PSMD1: variants seen among roughly 807,000 people sequenced by gnomAD.
The protein encoded by PSMD1 is 26S proteasome non-ATPase regulatory subunit 1.
Under a neutral mutation model 119.0 loss-of-function variants are expected in PSMD1, and 18 were observed. The ratio of observed to expected loss-of-function variants is 0.15; its 90% CI spans 0.10 to 0.22. The LOEUF (loss-of-function observed/expected upper bound fraction) is 0.22, where lower values mean the gene tolerates loss of function less well. PSMD1 is among the 10% of genes least tolerant of loss of function. The pLI, the probability that PSMD1 is intolerant of heterozygous loss-of-function variation, is 1.00. For synonymous variants in PSMD1, 374 were observed against 396.6 expected, an observed-to-expected ratio of 0.94 and a Z score of 0.68; for missense variants, 702 against 1,158.5, an observed-to-expected ratio of 0.61 and a Z score of 5.72.
At chr2:231,162,904 T>A (rs1480765074) in intron 20 of PSMD1, among the ~76,000 whole-genome samples, 2 of 150,842 alleles carry the variant, frequency 1.3e-5, no homozygotes, top group Non-Finnish European at 2.9e-5. Flanking sequence ...GAGACCATCC[T>A]GGCTAACACA....
At chr2:231,082,373 C>T (rs1255187964) in intron 12 of PSMD1, among the ~76,000 whole-genome samples, 1 of 152,216 alleles carries the variant, frequency 6.6e-6, no homozygotes, top group East Asian at 1.9e-4. Context: ...CCTCAGCTCA[C>T]TATTTTTTGG....
intron 13 of PSMD1, 102 bp downstream of exon 13, chr2:231,083,096 G>T: frequency 1.1e-6 from 1 of 889,290 alleles, no homozygotes; most frequent in South Asian, 1.9e-5. Context: ...AAATTCCGAT[G>T]GATTTCTCTA....
chr2:231,098,503 C>T, intron 16 of PSMD1, among the ~76,000 whole-genome samples: 1 of 151,764 alleles, frequency 6.6e-6, no homozygotes, highest in South Asian at 2.1e-4. Context: ...CTGACTCCCT[C>T]TTTTTCTGTC....
At chr2:231,141,660 A>C in intron 17 of PSMD1, among the ~76,000 whole-genome samples, 1 of 150,592 alleles carries the variant, frequency 6.6e-6, no homozygotes, top group Non-Finnish European at 1.5e-5. Context: ...ACTTACCACC[A>C]CCTGATATAT....
intron 19 of PSMD1, among the ~76,000 whole-genome samples, chr2:231,160,451 A>G (rs1011914935): frequency 3.9e-5 from 6 of 152,206 alleles, no homozygotes; most frequent in African/African-American, 1.4e-4. Context: ...AATTCTAATA[A>G]TGTTTATGCT....
chr2:231,124,025 T>C (rs961568124), intron 16 of PSMD1: 177 of 441,890 alleles, frequency 4.0e-4, no homozygotes, highest in Non-Finnish European at 4.2e-4. Flanking sequence ...AAGAAACTGA[T>C]AGCTGTGAAA....
chr2:231,119,912 A>G (rs967651885), intron 16 of PSMD1, among the ~76,000 whole-genome samples: 1 of 143,150 alleles, frequency 7.0e-6, no homozygotes, highest in Non-Finnish European at 1.5e-5. Context: ...AACCAATAAC[A>G]CCCAATGGAT....
intron 16 of PSMD1, chr2:231,113,653 C>G: frequency 7.7e-7 from 1 of 1,307,080 alleles, no homozygotes; most frequent in Non-Finnish European, 1.1e-6. Context: ...TCATTGCCTA[C>G]CAGACCTGGT....
intron 18 of PSMD1, among the ~76,000 whole-genome samples, chr2:231,146,930 C>T (rs1696265602): frequency 6.6e-6 from 1 of 152,224 alleles, no homozygotes; most frequent in Admixed American, 6.5e-5. Flanking sequence ...TCCACAGAAA[C>T]ACTCTTGTAC....
chr2:231,150,765 CAT>C (rs1331032635), intron 18 of PSMD1, among the ~76,000 whole-genome samples: 2 of 152,052 alleles, frequency 1.3e-5, no homozygotes, highest in African/African-American at 2.4e-5. Flanking sequence ...GAATTACAGA[CAT>C]ATATTTGAAG....
At chr2:231,091,803 G>A (rs1290511413) in intron 16 of PSMD1, among the ~76,000 whole-genome samples, 1 of 152,046 alleles carries the variant, frequency 6.6e-6, no homozygotes, top group African/African-American at 2.4e-5. Context: ...AGGTTCCCCA[G>A]GGGTGTTGTT....
At chr2:231,078,562 C>G (rs573340631) in intron 9 of PSMD1, 97 bp from the exon 10 acceptor site, 1 of 756,104 alleles carries the variant, frequency 1.3e-6, no homozygotes, top group African/African-American at 1.8e-5. Context: ...TTTGTTCATG[C>G]TTTTACCACA....
At chr2:231,153,541 A>G in intron 18 of PSMD1, 23 bp from the exon 19 acceptor site, 1 of 1,506,908 alleles carries the variant, frequency 6.6e-7, no homozygotes. Flanking sequence ...CTTAGACTAT[A>G]ATTCTTTCTC....
At chr2:231,127,376 A>C (rs1032596397) in intron 16 of PSMD1, among the ~76,000 whole-genome samples, 1 of 151,838 alleles carries the variant, frequency 6.6e-6, no homozygotes, top group African/African-American at 2.4e-5. Flanking sequence ...GTTTTTTGAG[A>C]CAGAGCCTTC....
chr2:231,117,224 T>G (rs1695373041), intron 16 of PSMD1, among the ~76,000 whole-genome samples: 1 of 152,042 alleles, frequency 6.6e-6, no homozygotes, highest in Non-Finnish European at 1.5e-5. Flanking sequence ...TTTTAGGAGT[T>G]TTGGTTTTAA....
At chr2:231,085,843 G>A (rs1220867146) in intron 15 of PSMD1, among the ~76,000 whole-genome samples, 1 of 152,034 alleles carries the variant, frequency 6.6e-6, no homozygotes, top group Admixed American at 6.6e-5. Context: ...TTATCATCGT[G>A]GTGCTGGGAA....
At position 231,057,002 on chromosome 2, in the gene PSMD1, G is replaced by A; in HGVS notation, c.-24G>A. On this transcript the variant is annotated 5_prime_UTR_variant, in exon 1 of 25. Coordinates refer to ENST00000308696, the MANE Select transcript of PSMD1 (RefSeq NM_002807.4). ...GCGCAGCTGGAACGGCGAGCGAGCC[G>A]ACGGGCGAGTGAGGGGCGCAGCCAT... 6.5e-7 allele frequency: 1 copy of A among 1,540,186 alleles called. No homozygotes were observed. The highest frequency in any genetic ancestry group is 8.7e-7 in the Non-Finnish European group (1 of 1,144,410).
chr2:231,078,536 T>A (rs1004152374), intron 9 of PSMD1, 123 bp from the exon 10 acceptor site: 2 of 518,542 alleles, frequency 3.9e-6, no homozygotes, highest in Non-Finnish European at 6.4e-6. Flanking sequence ...GATCCATATT[T>A]TAAATCTCAG....
At chr2:231,064,647 A>G (rs1574702682) in intron 4 of PSMD1, among the ~76,000 whole-genome samples, 1 of 152,174 alleles carries the variant, frequency 6.6e-6, no homozygotes, top group Non-Finnish European at 1.5e-5. Context: ...ATTTTGCATT[A>G]TAACATCCAC....
Sources: gnomAD v4.1 joint callset for allele counts (sites outside exome capture counted in the v4.1 genomes callset) on GRCh38, gnomAD v4.1.1 for gene constraint, MANE v1.5 for transcripts, NCBI Gene and HGNC (gene_info 2026-07-23, HGNC 2026-07-21) for gene names.